DCC: variants seen among roughly 807,000 people sequenced by gnomAD.
DCC encodes netrin receptor DCC.
Under a neutral mutation model 172.5 loss-of-function variants are expected in DCC, and 58 were observed. The ratio of observed to expected loss-of-function variants is 0.34; its 90% CI spans 0.27 to 0.42. DCC has a LOEUF of 0.42. Ranked by LOEUF, DCC falls within the 10% of genes least tolerant of loss-of-function variation. DCC has a pLI of 1.00. For synonymous variants in DCC, 709 were observed against 644.5 expected, an observed-to-expected ratio of 1.10 and a Z score of -1.52; for missense variants, 1,740 against 1,791.0, an observed-to-expected ratio of 0.97 and a Z score of 0.51.
At chr18:52,525,612 G>T (rs529654785) in intron 1 of DCC, among the ~76,000 whole-genome samples, 30 of 152,306 alleles carry the variant, frequency 2.0e-4, no homozygotes, top group African/African-American at 7.0e-4. Flanking sequence ...GAAAATGTCT[G>T]TAGACTCTGG....
intron 12 of DCC, among the ~76,000 whole-genome samples, chr18:53,297,061 G>A (rs1039770548): frequency 6.6e-6 from 1 of 152,142 alleles, no homozygotes; most frequent in African/African-American, 2.4e-5. Flanking sequence ...TAGGAGATGT[G>A]GAGTTAAAAA....
In DCC at chr18:53,267,252, T is replaced by A. The variant is rs557299458; in HGVS notation, c.1912-38326T>A. 1.1e-4 allele frequency among the ~76,000 whole-genome samples: 16 copies of A among 151,180 alleles called. 1 individual carries two copies. In the South Asian group the frequency reaches 2.3e-3, roughly 22 times the overall value. ...CCCAGGCTGGAGTGCAGTGGTACAA[T>A]CTCAGCTTACCGCAACCTCTACCTC... On this transcript the variant is annotated intron_variant, in intron 12 of 28. Coordinates refer to ENST00000442544, the MANE Select transcript of DCC (RefSeq NM_005215.4).
chr18:52,440,222 C>A (rs2144493422), intron 1 of DCC, among the ~76,000 whole-genome samples: 1 of 152,266 alleles, frequency 6.6e-6, no homozygotes. Flanking sequence ...AGGATGGGAT[C>A]TTCAAGAGAA....
In DCC at chr18:52,486,249, A is replaced by T. The variant is rs550484055; in HGVS notation, c.91+145371A>T. ...ACTAAAGCCAGATGAAGAGCATCCC[A>T]TGGTTACTGATTCAGAACCCTGGCC... On this transcript the variant is annotated intron_variant, in intron 1 of 28. Coordinates refer to ENST00000442544, the MANE Select transcript of DCC (RefSeq NM_005215.4). 1.5e-4 allele frequency among the ~76,000 whole-genome samples: 23 copies of T among 152,254 alleles called. No individual in the cohort carries two copies. In the East Asian group the frequency reaches 4.4e-3, roughly 29 times the overall value.
At chr18:52,913,780 A>G (rs2040002687) in intron 3 of DCC, among the ~76,000 whole-genome samples, 1 of 152,036 alleles carries the variant, frequency 6.6e-6, no homozygotes. Context: ...GGGTCAGGCA[A>G]TCATCCGTGA....
chr18:53,295,306 G>A (rs2057053548), intron 12 of DCC, among the ~76,000 whole-genome samples: 1 of 151,808 alleles, frequency 6.6e-6, no homozygotes. Flanking sequence ...AACAAAAATA[G>A]CATATAAGAG....
intron 15 of DCC, among the ~76,000 whole-genome samples, chr18:53,356,188 A>G (rs1048026023): frequency 1.3e-5 from 2 of 152,022 alleles, no homozygotes; most frequent in Non-Finnish European, 2.9e-5. Flanking sequence ...CCAAAGTGCT[A>G]GGATTTCCAG....
At chr18:53,098,582 T>C (rs956291497) in intron 7 of DCC, among the ~76,000 whole-genome samples, 3 of 152,208 alleles carry the variant, frequency 2.0e-5, no homozygotes, top group African/African-American at 4.8e-5. Context: ...ACTGATGCTG[T>C]TGTTCTCATT....
chr18:53,234,272 T>G (rs141433839), intron 12 of DCC, among the ~76,000 whole-genome samples: 1 of 149,684 alleles, frequency 6.7e-6, no homozygotes, highest in Non-Finnish European at 1.5e-5. Context: ...AAATAAAAAA[T>G]ACAAAAATTA....
At chr18:53,506,626 G>A (rs947264641) in intron 27 of DCC, among the ~76,000 whole-genome samples, 4 of 152,148 alleles carry the variant, frequency 2.6e-5, no homozygotes, top group Admixed American at 2.0e-4. Context: ...GGGAGGCTGA[G>A]GCAGGCAGAT....
intron 1 of DCC, among the ~76,000 whole-genome samples, chr18:52,487,098 T>C (rs2030262640): frequency 6.6e-6 from 1 of 152,098 alleles, no homozygotes; most frequent in South Asian, 2.1e-4. Context: ...GAATGGGAAG[T>C]GTTGAAAATG....
At chr18:52,406,231 C>T (rs1986645982) in intron 1 of DCC, among the ~76,000 whole-genome samples, 1 of 150,584 alleles carries the variant, frequency 6.6e-6, no homozygotes, top group Non-Finnish European at 1.5e-5. Context: ...AGAAGAAAAC[C>T]TAGGCATTAC....
chr18:52,610,416 A>AAAAAAAAAAAAAAAAAAAAC, intron 1 of DCC, among the ~76,000 whole-genome samples: 1 of 143,912 alleles, frequency 6.9e-6, no homozygotes, highest in Admixed American at 6.9e-5. Flanking sequence ...AAGAAAAAGA[A>AAAAAAAAAAAAAAAAAAAAC]AAAGAAAAAA....
chr18:53,117,868 G>T (rs193138335), intron 7 of DCC, among the ~76,000 whole-genome samples: 2 of 151,774 alleles, frequency 1.3e-5, no homozygotes, highest in Admixed American at 1.3e-4. Context: ...TCACATTCTT[G>T]TCACGTCATG....
rs930641557 is a variant in DCC, at chr18:52,706,871, T to A, written c.92-45183T>A. 2.0e-5 allele frequency among the ~76,000 whole-genome samples: 3 copies of A among 152,040 alleles called. No individual in the cohort carries two copies. The South Asian group carries it at 6.2e-4, about 32-fold the overall frequency. ...AGCAAGGTGTCCTGAGCCCAAGGTGTCTCCTTTCTGAGTATAGGGCAAGGG... is the reference window on the plus strand; with the variant it reads ...AGCAAGGTGTCCTGAGCCCAAGGTGACTCCTTTCTGAGTATAGGGCAAGGG... On this transcript the variant is annotated intron_variant, in intron 1 of 28. Coordinates refer to ENST00000442544, the MANE Select transcript of DCC (RefSeq NM_005215.4).
chr18:53,111,347 T>C (rs1485469882), intron 7 of DCC, among the ~76,000 whole-genome samples: 2 of 150,138 alleles, frequency 1.3e-5, no homozygotes, highest in East Asian at 4.0e-4. Flanking sequence ...CATGTATACA[T>C]ATGTAACTAA....
At chr18:52,546,537 G>A (rs1433289090) in intron 1 of DCC, among the ~76,000 whole-genome samples, 1 of 152,104 alleles carries the variant, frequency 6.6e-6, no homozygotes, top group African/African-American at 2.4e-5. Flanking sequence ...GCCTAGCATG[G>A]TAACAGGATG....
At chr18:53,307,132 G>A (rs531632135) in intron 13 of DCC, among the ~76,000 whole-genome samples, 1 of 152,002 alleles carries the variant, frequency 6.6e-6, no homozygotes, top group Non-Finnish European at 1.5e-5. Context: ...TGTCTTTTAT[G>A]CCTATATAAT....
intron 1 of DCC, among the ~76,000 whole-genome samples, chr18:52,697,552 G>T (rs2036034995): frequency 1.3e-5 from 2 of 152,034 alleles, no homozygotes; most frequent in South Asian, 2.1e-4. Context: ...AGTATAAAAA[G>T]AACTTAAAAA....
Sources: allele counts gnomAD v4.1 joint callset (sites outside exome capture counted in the v4.1 genomes callset), GRCh38; gene constraint gnomAD v4.1.1; transcripts MANE v1.5; gene names NCBI Gene and HGNC (gene_info 2026-07-23, HGNC 2026-07-21).